The following GPR37 variants were observed in gnomAD, a reference collection of about 807,000 sequenced individuals.
The protein encoded by GPR37 is prosaposin receptor GPR37.
GPR37 carries 20 observed loss-of-function variants against 43.6 expected under a neutral mutation model. That is an observed-to-expected ratio of 0.46 (90% CI 0.32 to 0.67). The LOEUF is 0.67. GPR37 is among the 30% of genes least tolerant of loss of function. The pLI, the probability that GPR37 is intolerant of heterozygous loss-of-function variation, is 0.03. For missense variants in GPR37, 724 were observed against 797.2 expected (o/e 0.91, Z 1.11); for synonymous variants, 315 against 322.6 (o/e 0.98, Z 0.25).
intron 1 of GPR37, among the ~76,000 whole-genome samples, chr7:124,758,522 T>C (rs760252742): frequency 9.2e-5 from 14 of 152,232 alleles, no homozygotes; most frequent in Non-Finnish European, 1.8e-4. Flanking sequence ...ATTACTTGAA[T>C]ACAGGCGTTC....
intron 1 of GPR37, 96 bp downstream of exon 1, chr7:124,763,858 G>C: frequency 2.8e-6 from 3 of 1,056,520 alleles, no homozygotes; most frequent in Non-Finnish European, 4.2e-6. Context: ...AAGGAAAGGC[G>C]TTCAGCTAGA....
intron 1 of GPR37, among the ~76,000 whole-genome samples, chr7:124,761,074 T>C (rs1222458008): frequency 6.7e-6 from 1 of 150,152 alleles, no homozygotes; most frequent in Non-Finnish European, 1.5e-5. Flanking sequence ...CAGAATAGCT[T>C]GAACCCCTGA....
At chr7:124,754,164 T>G (rs1793765635) in intron 1 of GPR37, among the ~76,000 whole-genome samples, 1 of 152,170 alleles carries the variant, frequency 6.6e-6, no homozygotes, top group South Asian at 2.1e-4. Context: ...AGATTTCATT[T>G]TTCCCACTGC....
rs1793679019 is a variant in GPR37, at chr7:124,746,967, C to G, written c.1400G>C (p.Arg467Thr). Residue 467 changes from arginine (R) to threonine (T), a missense_variant, in exon 2 of 2, where the codon AGG becomes ACG. Arg to Thr is a moderately conservative substitution (Grantham distance 71). Around this residue, in one of 2 missense-constraint regions of GPR37, gnomAD observed 342 missense variants for 441.8 expected, o/e 0.77. Coordinates refer to ENST00000303921, the MANE Select transcript of GPR37 (RefSeq NM_005302.5). ...FTITCSLVTA[R>T]KIRKAEKACT... ...GGCTTTCTCTGCTTTGCGGATTTTC[C>G]TCGCAGTCACTAGAGAGCAGGTGAT... is the stretch of plus-strand genomic sequence containing the variant. 6.2e-7 allele frequency: 1 copy of G among 1,613,884 alleles called. No homozygotes were observed. Among genetic ancestry groups the G allele is most frequent in the Non-Finnish European group, 8.5e-7 (1 of 1,179,954 alleles).
At position 124,765,584 on chromosome 7, in the gene GPR37, C is replaced by T. The variant is rs189135474; in HGVS notation, c.-608G>A. On this transcript the variant is annotated 5_prime_UTR_variant, in exon 1 of 2. Coordinates refer to ENST00000303921, the MANE Select transcript of GPR37 (RefSeq NM_005302.5). ...CTCTTGCCCCACCTAACCCCAGCGA[C>T]TTGCGAGCCTACTGCTGCCGAGGAG... 6.6e-6 allele frequency: 1 copy of T among 152,448 alleles called. No individual in the cohort carries two copies. The highest frequency in any genetic ancestry group is 1.9e-4 in the East Asian group (1 of 5,178). 9.4% of individuals were successfully genotyped at this position (152,448 alleles called of 1,614,324 possible).
intron 1 of GPR37, among the ~76,000 whole-genome samples, chr7:124,756,976 C>G (rs1176060496): frequency 6.6e-6 from 1 of 152,142 alleles, no homozygotes; most frequent in African/African-American, 2.4e-5. Context: ...ACACATTTGC[C>G]TCCTTGTCTC....
intron 1 of GPR37, among the ~76,000 whole-genome samples, chr7:124,756,324 C>T (rs1793790005): frequency 6.6e-6 from 1 of 152,086 alleles, no homozygotes; most frequent in Admixed American, 6.5e-5. Context: ...AAATCAATGA[C>T]CTTGGCCTCA....
chr7:124,749,116 CAT>C (rs755416792), intron 1 of GPR37, among the ~76,000 whole-genome samples: 3 of 152,088 alleles, frequency 2.0e-5, no homozygotes, highest in Non-Finnish European at 4.4e-5. Context: ...AAAGTTACAA[CAT>C]AAACACAGCA....
chr7:124,765,317 G>A lies in GPR37; in HGVS notation c.-341C>T. On this transcript the variant is annotated 5_prime_UTR_variant, in exon 1 of 2. Transcript: ENST00000303921. Reference sequence around the variant, plus strand: ...TGTTGATTACTGTTGAGACTCGGGGGAGCCCAGACGAAGCCCCACACTCCT... The same window carrying A: ...TGTTGATTACTGTTGAGACTCGGGGAAGCCCAGACGAAGCCCCACACTCCT... 1 of 253,820 alleles carries A rather than the reference G, an allele frequency of 3.9e-6. No individual in the cohort carries two copies. The highest frequency in any genetic ancestry group is 7.5e-6 in the Non-Finnish European group (1 of 134,200). The allele number at this position is 253,820 out of a possible 1,614,324, so 15.7% of individuals were successfully genotyped here.
intron 1 of GPR37, among the ~76,000 whole-genome samples, 194 bp from the exon 2 acceptor site, chr7:124,747,537 A>C (rs2116308683): frequency 6.6e-6 from 1 of 152,206 alleles, no homozygotes; most frequent in East Asian, 1.9e-4. Flanking sequence ...TGTAAGCATA[A>C]AAAAAGAAAA....
At position 124,744,941 on chromosome 7, in the gene GPR37, AC is replaced by A. The variant is rs1793653808; in HGVS notation, c.*1583del. 6.6e-6 allele frequency: 1 copy of A among 152,026 alleles called. No homozygotes were observed. Among genetic ancestry groups the A allele is most frequent in the South Asian group, 2.1e-4 (1 of 4,828 alleles). 9.4% of individuals were successfully genotyped at this position (152,026 alleles called of 1,614,324 possible). On this transcript the variant is annotated 3_prime_UTR_variant, in exon 2 of 2. Coordinates refer to ENST00000303921, the MANE Select transcript of GPR37 (RefSeq NM_005302.5). The stretch of plus-strand genomic sequence containing the variant: ...TGTCCTCTTGAGAAATTTTCCAAAG[AC>A]CTATTACAGGGATCTACAAGAAGAC...
At position 124,754,510 on chromosome 7, in the gene GPR37, AAC is replaced by A. The variant is rs140977439; in HGVS notation, c.1024-7169_1024-7168del. On this transcript the variant is annotated intron_variant, in intron 1 of 1. Transcript: ENST00000303921. ...ACACCGATGGGAAAAGAAAAAACGAAACAGTGTCCTAAGCAAAATTTCCTTCC... is the reference window on the plus strand; with the variant it reads ...ACACCGATGGGAAAAGAAAAAACGAAAGTGTCCTAAGCAAAATTTCCTTCC... Among the ~76,000 whole-genome samples the A allele has an allele frequency of 9.2e-4, 107 of 116,876 alleles. 1 individual carries two copies. In the East Asian group the frequency reaches 0.026, roughly 28 times the overall value. The allele number at this position is 116,876 out of a possible 152,430, so 76.7% of individuals were successfully genotyped here. A position where few individuals can be genotyped will look rare whatever the true frequency, so the allele number is the denominator to read the frequency against.
Position 124,764,185 on chromosome 7 carries a change from G to A in GPR37, c.792C>T (p.Val264=), listed in dbSNP as rs1793884031. 1 of 1,595,634 alleles carries A rather than the reference G, an allele frequency of 6.3e-7. No homozygotes were observed. The highest frequency in any genetic ancestry group is 2.2e-5 in the East Asian group (1 of 44,738). The change falls in exon 1 of 2, where the codon GTC becomes GTT. Residue 264 remains valine, a synonymous_variant. Coordinates refer to ENST00000303921, the MANE Select transcript of GPR37 (RefSeq NM_005302.5). The surrounding 1 kb of genome is among the most constrained non-coding windows in gnomAD (Gnocchi z 5.4). ...LTQESYGAYA[V]MCLSVVIFGT... is the part of the protein sequence containing the mutation. ...CGAAGATCACCACGGACAGACACAT[G>A]ACCGCGTAGGCTCCATAGGACTCCT... is the stretch of plus-strand genomic sequence containing the variant.
At chr7:124,751,267 CA>C (rs1793727182) in intron 1 of GPR37, among the ~76,000 whole-genome samples, 2 of 152,120 alleles carry the variant, frequency 1.3e-5, no homozygotes, top group East Asian at 1.9e-4. Flanking sequence ...AACTGCATCC[CA>C]AATGCCAGTC....
In GPR37 at chr7:124,764,838, T is replaced by G; in HGVS notation, c.139A>C (p.Thr47Pro). 1 of 1,613,668 alleles carries G rather than the reference T, an allele frequency of 6.2e-7. No individual in the cohort carries two copies. Among genetic ancestry groups the G allele is most frequent in the Non-Finnish European group, 8.5e-7 (1 of 1,179,984 alleles). Residue 47 changes from threonine (T) to proline (P), a missense_variant, in exon 1 of 2, where the codon ACA becomes CCA. Physicochemically the swap from Thr to Pro is conservative, Grantham distance 38. Transcript: ENST00000303921. The surrounding 1 kb of genome is among the most constrained non-coding windows in gnomAD (Gnocchi z 5.4). The part of the protein sequence containing the change: ...ETCLGESCAP[T>P]VIQRRGRDAW... ...TCCCTGCCGCGGCGCTGGATCACTG[T>G]AGGTGCACAGCTCTCCCCCAGACAA...
rs1343329848 is a variant in GPR37 at position 124,746,616 on chromosome 7, T to C, written c.1751A>G (p.Asp584Gly). 1.2e-6 allele frequency: 2 copies of C among 1,613,842 alleles called. No homozygotes were observed. The highest frequency in any genetic ancestry group is 2.7e-5 in the African/African-American group (2 of 74,902). ...TTCGAGTTCCGTGGTGTACTCGTTG[T>C]CATTGTCATCACTGGTCACCGTTGA... ...KSSTVTSDDNDNEYTTELELS... is the reference protein window; with the variant it reads ...KSSTVTSDDNGNEYTTELELS... The change falls in exon 2 of 2, where the codon GAC (aspartate) becomes GGC (glycine). Residue 584 changes from aspartate to glycine, a missense_variant. Physicochemically the swap from Asp to Gly is moderately conservative, Grantham distance 94 (BLOSUM62 -1). Coordinates refer to ENST00000303921, the MANE Select transcript of GPR37 (RefSeq NM_005302.5).
Position 124,746,599 on chromosome 7 carries a change from CCGTGGTGTA to C in GPR37, c.1759_1767del (p.Tyr587_Thr589del). 1.2e-6 allele frequency: 2 copies of C among 1,613,820 alleles called. No individual in the cohort carries two copies. The highest frequency in any genetic ancestry group is 1.7e-6 in the Non-Finnish European group (2 of 1,179,816). On this transcript the variant is annotated inframe_deletion, in exon 2 of 2. Transcript: ENST00000303921. ...GTACTGAAAGGCGAGAGTTCGAGTT[CCGTGGTGTA>C]CTCGTTGTCATTGTCATCACTGGTC...
intron 1 of GPR37, among the ~76,000 whole-genome samples, chr7:124,762,238 A>G (rs1056425195): frequency 2.6e-5 from 4 of 152,170 alleles, no homozygotes; most frequent in Admixed American, 6.5e-5. Flanking sequence ...CAAAGTTTTT[A>G]TAATCTTTCC....
chr7:124,744,509 C>T lies in GPR37; in HGVS notation c.*2016G>A, dbSNP rs1287845023. 1 of 152,126 alleles carries T rather than the reference C, an allele frequency of 6.6e-6. No individual in the cohort carries two copies. The highest frequency in any genetic ancestry group is 1.5e-5 in the Non-Finnish European group (1 of 68,046). 9.4% of individuals were successfully genotyped at this position (152,126 alleles called of 1,614,324 possible). ...TATTCCTTTATAAATTAGCTCTCTCCTCCTGAAGTGTCCACTCCTCACACC... is the reference window on the plus strand; with the variant it reads ...TATTCCTTTATAAATTAGCTCTCTCTTCCTGAAGTGTCCACTCCTCACACC... On this transcript the variant is annotated 3_prime_UTR_variant, in exon 2 of 2. Transcript: ENST00000303921.
Sources: gnomAD v4.1 joint callset for allele counts (sites outside exome capture counted in the v4.1 genomes callset) on GRCh38, gnomAD v4.1.1 for gene constraint, gnomAD v4.1.1 regional missense constraint, Gnocchi (gnomAD v3.1) non-coding constraint, MANE v1.5 for transcripts, NCBI Gene and HGNC (gene_info 2026-07-23, HGNC 2026-07-21) for gene names.